LRP6: variants seen among roughly 807,000 people sequenced by gnomAD.
The protein encoded by LRP6 is LDL receptor related protein 6.
In LRP6, 43 loss-of-function variants were observed where a neutral mutation model predicts 184.1. The observed-to-expected ratio is 0.23, with a 90% CI of 0.18 to 0.30. The LOEUF (loss-of-function observed/expected upper bound fraction) is 0.30, where lower values mean the gene tolerates loss of function less well. LRP6 is among the 10% of genes least tolerant of loss of function. LRP6 has a pLI of 1.00. For missense variants in LRP6, 1,571 were observed against 2,005.3 expected (o/e 0.78, Z 4.14); for synonymous variants, 719 against 684.9 (o/e 1.05, Z -0.78).
rs775331772 is a variant in LRP6, at chr12:12,138,219, T to C, written c.3607+106A>G. Reference sequence around the variant, plus strand: ...TTCAAAAAAATGGCAAAACTAAAAGTGCATGAAAGTCTTCAAGGAAACAGA... The same window carrying C: ...TTCAAAAAAATGGCAAAACTAAAAGCGCATGAAAGTCTTCAAGGAAACAGA... On this transcript the variant is annotated intron_variant, in intron 16 of 22. Transcript: ENST00000261349. 9 of 1,088,660 alleles carry C rather than the reference T, an allele frequency of 8.3e-6. 1 individual carries two copies. In the South Asian group the frequency reaches 1.0e-4, roughly 13 times the overall value. The allele number at this position is 1,088,660 out of a possible 1,614,324, so 67.4% of individuals were successfully genotyped here. A position where few individuals can be genotyped will look rare whatever the true frequency, so the allele number is the denominator to read the frequency against.
rs372021273 is a variant in LRP6 at position 12,256,012 on chromosome 12, G to C, written c.55+10669C>G. On this transcript the variant is annotated intron_variant, in intron 1 of 22. Transcript: ENST00000261349. ...CCACAAGAAGGCCCAGGTAAAATAA[G>C]GTACATACAGAAAGTCCTGCACGTA... Among the ~76,000 whole-genome samples, 9 of 152,182 alleles carry C rather than the reference G, an allele frequency of 5.9e-5. No homozygotes were observed. The East Asian group carries it at 1.2e-3, about 20-fold the overall frequency.
intron 1 of LRP6, among the ~76,000 whole-genome samples, chr12:12,245,237 C>T (rs1865156458): frequency 6.6e-6 from 1 of 152,138 alleles, no homozygotes; most frequent in Non-Finnish European, 1.5e-5. Flanking sequence ...TGTGATACTG[C>T]CATACAACAG....
Position 12,215,103 on chromosome 12 carries a change from CT to C in LRP6, c.450-11704del, listed in dbSNP as rs1225639257. On this transcript the variant is annotated intron_variant, in intron 2 of 22. Coordinates refer to ENST00000261349, the MANE Select transcript of LRP6 (RefSeq NM_002336.3). The stretch of plus-strand genomic sequence containing the variant: ...CAATACTTGTTGTCTCAGTCACTGG[CT>C]TTCTCTGCAGTGAGCAGCATGACCT... 4.6e-5 allele frequency among the ~76,000 whole-genome samples: 7 copies of C among 152,230 alleles called. No homozygotes were observed. The East Asian group carries it at 1.3e-3, about 29-fold the overall frequency.
intron 1 of LRP6, chr12:12,249,400 G>T: frequency 1.2e-6 from 1 of 865,752 alleles, no homozygotes. Flanking sequence ...AACTCCCTCA[G>T]CCACCTCAAG....
intron 15 of LRP6, among the ~76,000 whole-genome samples, chr12:12,142,927 T>C (rs1170615545): frequency 2.6e-5 from 4 of 152,064 alleles, no homozygotes; most frequent in African/African-American, 9.7e-5. Flanking sequence ...AAGGATTCTA[T>C]TATCATCCTA....
chr12:12,266,492 G>A (rs969195065), intron 1 of LRP6, among the ~76,000 whole-genome samples, 189 bp downstream of exon 1: 2 of 152,072 alleles, frequency 1.3e-5, no homozygotes, highest in Admixed American at 6.6e-5. Flanking sequence ...GGCCAGGTCC[G>A]CATTGTGGCC....
intron 2 of LRP6, among the ~76,000 whole-genome samples, chr12:12,232,740 A>G (rs1864825333): frequency 5.3e-5 from 8 of 152,208 alleles, no homozygotes; most frequent in Admixed American, 5.2e-4. Flanking sequence ...ACATATCTCT[A>G]ATAAGAAAAT....
In LRP6 at chr12:12,118,530, A is replaced by C. The variant is rs1176070614; in HGVS notation, c.*2596T>G. The C allele has an allele frequency of 6.6e-6, 1 of 152,192 alleles. No individual in the cohort carries two copies. Among genetic ancestry groups the C allele is most frequent in the Non-Finnish European group, 1.5e-5 (1 of 68,030 alleles). The allele number at this position is 152,192 out of a possible 1,614,324, so 9.4% of individuals were successfully genotyped here. A position where few individuals can be genotyped will look rare whatever the true frequency, so the allele number is the denominator to read the frequency against. On this transcript the variant is annotated 3_prime_UTR_variant, in exon 23 of 23. Coordinates refer to ENST00000261349, the MANE Select transcript of LRP6 (RefSeq NM_002336.3). ...TGAATTTAATACACCAAATTTAAAAATCCCTTTTCTTTTTTCCCCCTAATT... is the reference window on the plus strand; with the variant it reads ...TGAATTTAATACACCAAATTTAAAACTCCCTTTTCTTTTTTCCCCCTAATT...
At chr12:12,255,292 A>C (rs1865433203) in intron 1 of LRP6, among the ~76,000 whole-genome samples, 1 of 151,402 alleles carries the variant, frequency 6.6e-6, no homozygotes, top group African/African-American at 2.4e-5. Context: ...TCTGACCATT[A>C]GCTGACTGCA....
At chr12:12,190,460 T>C (rs1391865890) in intron 3 of LRP6, among the ~76,000 whole-genome samples, 1 of 152,220 alleles carries the variant, frequency 6.6e-6, no homozygotes, top group Non-Finnish European at 1.5e-5. Flanking sequence ...GCTTGCAATC[T>C]CTGAGCATCA....
intron 16 of LRP6, among the ~76,000 whole-genome samples, chr12:12,137,647 TG>T (rs1271723880): frequency 1.3e-5 from 2 of 151,764 alleles, no homozygotes; most frequent in East Asian, 3.9e-4. Flanking sequence ...TTTCAAGCTA[TG>T]GGGGGAAGTA....
At position 12,119,749 on chromosome 12, in the gene LRP6, G is replaced by A. The variant is rs1949568368; in HGVS notation, c.*1377C>T. The stretch of plus-strand genomic sequence containing the variant: ...TTGGGTGATTACAAGAATAATTTGT[G>A]GATAATTTGAAAACAGCCTAACATT... On this transcript the variant is annotated 3_prime_UTR_variant, in exon 23 of 23. Coordinates refer to ENST00000261349, the MANE Select transcript of LRP6 (RefSeq NM_002336.3). 6.6e-6 allele frequency: 1 copy of A among 151,676 alleles called. No individual in the cohort carries two copies. Among genetic ancestry groups the A allele is most frequent in the South Asian group, 2.1e-4 (1 of 4,804 alleles). The allele number at this position is 151,676 out of a possible 1,614,324, so 9.4% of individuals were successfully genotyped here.
chr12:12,246,646 TG>T (rs1166869560), intron 1 of LRP6, among the ~76,000 whole-genome samples: 11 of 150,192 alleles, frequency 7.3e-5, no homozygotes, highest in Non-Finnish European at 1.3e-4. Flanking sequence ...GCAGTGAGCC[TG>T]GGTGACAGAG....
At chr12:12,187,603 T>G in intron 3 of LRP6, 1 of 190,930 alleles carries the variant, frequency 5.2e-6, no homozygotes, top group Non-Finnish European at 1.1e-5. Flanking sequence ...ACAAAGAACC[T>G]GAGCCTGTTT....
intron 12 of LRP6, among the ~76,000 whole-genome samples, chr12:12,152,138 T>C (rs906873848): frequency 6.6e-6 from 1 of 152,068 alleles, no homozygotes; most frequent in African/African-American, 2.4e-5. Flanking sequence ...GTTCCCATAA[T>C]AGTGAATAAG....
At chr12:12,140,420 G>A (rs1949912703) in intron 15 of LRP6, among the ~76,000 whole-genome samples, 1 of 151,704 alleles carries the variant, frequency 6.6e-6, no homozygotes, top group Admixed American at 6.6e-5. Flanking sequence ...CAGTCAAGAA[G>A]GTTCAGCATA....
rs1340352105 is a variant in LRP6 at position 12,159,185 on chromosome 12, G to C, written c.2465-30C>G. 4 of 1,529,492 alleles carry C rather than the reference G, an allele frequency of 2.6e-6. No individual in the cohort carries two copies. In the South Asian group the frequency reaches 3.4e-5, roughly 13 times the overall value. 94.7% of individuals were successfully genotyped at this position (1,529,492 alleles called of 1,614,324 possible). On this transcript the variant is annotated intron_variant, in intron 11 of 22. Coordinates refer to ENST00000261349, the MANE Select transcript of LRP6 (RefSeq NM_002336.3). ...TTTCAGAAAGGCAGTAGACAGGGGA[G>C]AAGCAGAGTGATGAAATATGTGAGA...
chr12:12,130,724 G>GA lies in LRP6; in HGVS notation c.4081+58dup, dbSNP rs879889521. 3.5e-5 allele frequency: 37 copies of GA among 1,056,776 alleles called. 1 individual carries two copies. The highest frequency in any genetic ancestry group is 1.0e-4 in the Admixed American group (6 of 57,430). The allele number at this position is 1,056,776 out of a possible 1,614,324, so 65.5% of individuals were successfully genotyped here. A position where few individuals can be genotyped will look rare whatever the true frequency, so the allele number is the denominator to read the frequency against. On this transcript the variant is annotated intron_variant, in intron 19 of 22. Transcript: ENST00000261349. ...CTCGATAAGTAAACCTCACACATAA[G>GA]AAAAAAAATTGTTTAAATTCTCTGT...
rs752626486 is a variant in LRP6 at position 12,165,308 on chromosome 12, A to G, written c.1546-13T>C. 6.4e-6 allele frequency: 10 copies of G among 1,570,602 alleles called. No individual in the cohort carries two copies. Among genetic ancestry groups the G allele is most frequent in the Non-Finnish European group, 8.8e-6 (10 of 1,141,444 alleles). ...CAGTATTCATAACCTTCAGGTTTAA[A>G]TTCAAAAGAGAAGGGGATGAATTAT... On this transcript the variant is annotated splice_polypyrimidine_tract_variant and intron_variant, in intron 7 of 22. Coordinates refer to ENST00000261349, the MANE Select transcript of LRP6 (RefSeq NM_002336.3).
Sources: gnomAD v4.1 joint callset for allele counts (sites outside exome capture counted in the v4.1 genomes callset) on GRCh38, gnomAD v4.1.1 for gene constraint, MANE v1.5 for transcripts, NCBI Gene and HGNC (gene_info 2026-07-23, HGNC 2026-07-21) for gene names.